The following CDCA2 variants were observed in gnomAD, a reference collection of about 807,000 sequenced individuals.
CDCA2 encodes cell division cycle-associated protein 2.
CDCA2 carries 44 observed loss-of-function variants against 67.0 expected under a neutral mutation model. The observed-to-expected ratio is 0.66, with a 90% CI of 0.52 to 0.84. The LOEUF (loss-of-function observed/expected upper bound fraction) is 0.84, where lower values mean the gene tolerates loss of function less well. Among genes scored for constraint, CDCA2 ranks in the 40% least tolerant of loss-of-function variants. The pLI, the probability that CDCA2 is intolerant of heterozygous loss-of-function variation, is 0.00. For missense variants in CDCA2, 1,253 were observed against 1,203.2 expected (o/e 1.04, Z -0.61); for synonymous variants, 447 against 418.7 (o/e 1.07, Z -0.82).
intron 14 of CDCA2, among the ~76,000 whole-genome samples, chr8:25,505,923 G>T (rs1020988884): frequency 2.0e-5 from 3 of 152,108 alleles, no homozygotes; most frequent in Non-Finnish European, 4.4e-5. Context: ...TTAGTCAAAG[G>T]CTGAGGAATT....
chr8:25,484,106 G>T lies in CDCA2; in HGVS notation c.1261G>T (p.Val421Phe), dbSNP rs146774437. Residue 421 changes from valine (V) to phenylalanine (F), a missense_variant, in exon 10 of 15, where the codon GTT becomes TTT. Val to Phe is a conservative substitution (Grantham distance 50). Coordinates refer to ENST00000330560, the MANE Select transcript of CDCA2 (RefSeq NM_152562.4). ...TCCATTGCGTAAAGGAGGAACACCT[G>T]TTTGTAAAAAAGACTTCAGTGGTCT... The part of the protein sequence containing the change: ...NTPLRKGGTP[V>F]CKKDFSGLSS... 6.2e-7 allele frequency: 1 copy of T among 1,614,062 alleles called. No individual in the cohort carries two copies. The highest frequency in any genetic ancestry group is 1.3e-5 in the African/African-American group (1 of 74,940).
At chr8:25,467,231 T>G (rs571373611) in intron 5 of CDCA2, among the ~76,000 whole-genome samples, 1 of 152,166 alleles carries the variant, frequency 6.6e-6, no homozygotes, top group African/African-American at 2.4e-5. Flanking sequence ...CTGTAATCAT[T>G]ATAACCATTC....
chr8:25,503,306 T>A, intron 13 of CDCA2, 67 bp from the exon 14 acceptor site: 1 of 1,248,350 alleles, frequency 8.0e-7, no homozygotes, highest in Non-Finnish European at 1.2e-6. Flanking sequence ...AATAACTAGT[T>A]AAAGGGTCAA....
rs1803643669 is a variant in CDCA2, at chr8:25,483,393, G to A, written c.1033-6G>A. 4.4e-6 allele frequency: 7 copies of A among 1,576,518 alleles called. No homozygotes were observed. The African/African-American group carries it at 5.4e-5, about 12-fold the overall frequency. ...AAAATTATTCATTAATGTTTATTCT[G>A]TTTAGGAACACTGTAACAACCTCTA... On this transcript the variant is annotated splice_region_variant and splice_polypyrimidine_tract_variant and intron_variant, in intron 8 of 14. Coordinates refer to ENST00000330560, the MANE Select transcript of CDCA2 (RefSeq NM_152562.4).
chr8:25,505,983 A>G (rs991165180), intron 14 of CDCA2, among the ~76,000 whole-genome samples: 1 of 152,204 alleles, frequency 6.6e-6, no homozygotes. Flanking sequence ...GTTTCGGAGT[A>G]CAGTGCACTT....
intron 13 of CDCA2, among the ~76,000 whole-genome samples, chr8:25,493,882 C>T (rs776769053): frequency 3.9e-5 from 6 of 152,142 alleles, no homozygotes; most frequent in Non-Finnish European, 5.9e-5. Flanking sequence ...TCCTTTGACC[C>T]AACAGGCCTA....
rs1328149869 is a variant in CDCA2 at position 25,459,471 on chromosome 8, G to T, written c.-3G>T. On this transcript the variant is annotated splice_region_variant and 5_prime_UTR_variant, in exon 1 of 15. Transcript: ENST00000330560. Reference sequence around the variant, plus strand: ...TGGCGGGCCTTCAGGTGCGGCGTGAGAGGTAGGATTGCATCCGCGCTGCCA... The same window carrying T: ...TGGCGGGCCTTCAGGTGCGGCGTGATAGGTAGGATTGCATCCGCGCTGCCA... The T allele has an allele frequency of 1.3e-5, 2 of 152,398 alleles. No individual in the cohort carries two copies. The highest frequency in any genetic ancestry group is 4.8e-5 in the African/African-American group (2 of 41,472). The allele number at this position is 152,398 out of a possible 1,614,324, so 9.4% of individuals were successfully genotyped here. A position where few individuals can be genotyped will look rare whatever the true frequency, so the allele number is the denominator to read the frequency against.
At chr8:25,506,303 A>G (rs1354487855) in intron 14 of CDCA2, among the ~76,000 whole-genome samples, 1 of 152,188 alleles carries the variant, frequency 6.6e-6, no homozygotes, top group Non-Finnish European at 1.5e-5. Context: ...TCATGCGTTG[A>G]ATACCTATTT....
At chr8:25,462,275 T>G in intron 4 of CDCA2, 67 bp downstream of exon 4, 1 of 1,466,618 alleles carries the variant, frequency 6.8e-7, no homozygotes, top group African/African-American at 1.4e-5. Flanking sequence ...CTTTACACCT[T>G]CTAGTGCATC....
intron 7 of CDCA2, among the ~76,000 whole-genome samples, chr8:25,471,828 A>T (rs988090740): frequency 7.2e-5 from 11 of 152,184 alleles, no homozygotes; most frequent in African/African-American, 2.7e-4. Context: ...CCAAAATTTT[A>T]TTTAGGCATG....
At chr8:25,496,319 C>G (rs1804221909) in intron 13 of CDCA2, among the ~76,000 whole-genome samples, 1 of 151,956 alleles carries the variant, frequency 6.6e-6, no homozygotes, top group Non-Finnish European at 1.5e-5. Context: ...TGCTAGGATA[C>G]CCACTCATTT....
chr8:25,477,309 A>G (rs1803388783), intron 7 of CDCA2, among the ~76,000 whole-genome samples: 1 of 152,076 alleles, frequency 6.6e-6, no homozygotes, highest in Admixed American at 6.6e-5. Flanking sequence ...ATCACTGACC[A>G]TTTCCTCTTT....
intron 13 of CDCA2, among the ~76,000 whole-genome samples, chr8:25,500,552 G>GC (rs1357903791): frequency 6.6e-6 from 1 of 151,948 alleles, no homozygotes; most frequent in East Asian, 1.9e-4. Flanking sequence ...TGTTGCCCAG[G>GC]CTGGAGTGCA....
chr8:25,462,191 C>T lies in CDCA2; in HGVS notation c.370C>T (p.Gln124Ter). Residue 124 changes from glutamine (Q) to a stop codon, truncating the protein, a stop_gained, in exon 4 of 15, where the codon CAA (glutamine) becomes TAA (stop). Coordinates refer to ENST00000330560, the MANE Select transcript of CDCA2 (RefSeq NM_152562.4). LOFTEE classifies it high-confidence loss of function. ...GAATGCTAGGAAATCTCCTTTGGCA[C>T]AAGATTCTCCTTCCCAGGTATGATT... Reference protein sequence around the residue: ...IKNARKSPLAQDSPSQGSPAL... With the variant: ...IKNARKSPLA 1 of 1,614,110 alleles carries T rather than the reference C, an allele frequency of 6.2e-7. No individual in the cohort carries two copies. Among genetic ancestry groups the T allele is most frequent in the South Asian group, 1.1e-5 (1 of 91,086 alleles).
intron 6 of CDCA2, 59 bp downstream of exon 6, chr8:25,468,472 T>G: frequency 7.1e-7 from 1 of 1,410,432 alleles, no homozygotes; most frequent in East Asian, 2.3e-5. Flanking sequence ...CATAGGCAGT[T>G]TTAAGGCTGT....
rs143476472 is a variant in CDCA2, at chr8:25,488,592, T to G, written c.1574T>G (p.Leu525Trp). The G allele has an allele frequency of 3.8e-3, 6,162 of 1,612,946 alleles. 16 individuals are homozygous for G. Among genetic ancestry groups the G allele is most frequent in the Non-Finnish European group, 4.5e-3 (5,320 of 1,179,608 alleles). Residue 525 changes from leucine (L) to tryptophan (W), a missense_variant, in exon 13 of 15, where the codon TTG becomes TGG. Coordinates refer to ENST00000330560, the MANE Select transcript of CDCA2 (RefSeq NM_152562.4). ...SVVEESVCNL[L>W]NTEVQPCKEK... ...GTAGAAGAGAGTGTTTGCAACTTATTGAATACAGAAGTTCAGCCTTGTAAA... is the reference window on the plus strand; with the variant it reads ...GTAGAAGAGAGTGTTTGCAACTTATGGAATACAGAAGTTCAGCCTTGTAAA...
At position 25,460,163 on chromosome 8, in the gene CDCA2, C is replaced by T. The variant is rs1322486453; in HGVS notation, c.1-77C>T. On this transcript the variant is annotated intron_variant, in intron 1 of 14. Coordinates refer to ENST00000330560, the MANE Select transcript of CDCA2 (RefSeq NM_152562.4). Reference sequence around the variant, plus strand: ...AGTATGGACTGTATTACAATTCAGTCCTGAATAAGGTACGTGATCGAATCA... The same window carrying T: ...AGTATGGACTGTATTACAATTCAGTTCTGAATAAGGTACGTGATCGAATCA... 9 of 1,399,234 alleles carry T rather than the reference C, an allele frequency of 6.4e-6. No individual in the cohort carries two copies. In the Admixed American group the frequency reaches 6.7e-5, roughly 10 times the overall value. 86.7% of individuals were successfully genotyped at this position (1,399,234 alleles called of 1,614,324 possible). A position where few individuals can be genotyped will look rare whatever the true frequency, so the allele number is the denominator to read the frequency against.
chr8:25,478,877 G>GTT (rs1322736412), intron 7 of CDCA2, among the ~76,000 whole-genome samples: 4 of 23,052 alleles, frequency 1.7e-4, no homozygotes, highest in African/African-American at 5.1e-4. Context: ...TTAACTACTT[G>GTT]TTGTGTGTGT....
In CDCA2 at chr8:25,465,064, C is replaced by T. The variant is rs534507490; in HGVS notation, c.388-1111C>T. Among the ~76,000 whole-genome samples, 15 of 152,268 alleles carry T rather than the reference C, an allele frequency of 9.9e-5. 2 individuals carry two copies. In the East Asian group the frequency reaches 2.5e-3, roughly 25 times the overall value. On this transcript the variant is annotated intron_variant, in intron 4 of 14. Transcript: ENST00000330560. ...TCTCGGCCCATTGCAACCTCTACCT[C>T]CCAGGTTCAAGCGATTCTCCCACCT... is the stretch of plus-strand genomic sequence containing the variant.
Sources: gnomAD v4.1 joint callset for allele counts (sites outside exome capture counted in the v4.1 genomes callset) on GRCh38, gnomAD v4.1.1 for gene constraint, MANE v1.5 for transcripts, NCBI Gene and HGNC (gene_info 2026-07-23, HGNC 2026-07-21) for gene names.